Variants in KNL1 observed in about 807,000 individuals in gnomAD.
KNL1 encodes the protein kinetochore scaffold 1.
A neutral mutation model predicts 201.3 loss-of-function variants in KNL1; 66 were observed. That is an observed-to-expected ratio of 0.33 (90% CI 0.27 to 0.40). The LOEUF (loss-of-function observed/expected upper bound fraction) is 0.40. Among genes scored for constraint, KNL1 ranks in the 10% least tolerant of loss-of-function variants. KNL1 has a pLI of 1.00. For missense variants in KNL1, 2,815 were observed against 2,690.5 expected, an observed-to-expected ratio of 1.05 and a Z score of -1.02; for synonymous variants, 895 against 899.2, an observed-to-expected ratio of 1.00 and a Z score of 0.08.
intron 13 of KNL1, among the ~76,000 whole-genome samples, chr15:40,632,550 C>T (rs1892941269): frequency 6.6e-6 from 1 of 151,482 alleles, no homozygotes; most frequent in African/African-American, 2.4e-5. Context: ...TGCAAGGAGC[C>T]AAGATTGTAC....
At chr15:40,632,682 A>C (rs1892947082) in intron 13 of KNL1, among the ~76,000 whole-genome samples, 3 of 152,194 alleles carry the variant, frequency 2.0e-5, no homozygotes, top group Admixed American at 6.5e-5. Flanking sequence ...AAGAAGCTTT[A>C]TCCAAAATAT....
intron 9 of KNL1, 133 bp from the exon 10 acceptor site, chr15:40,620,507 C>A: frequency 5.5e-6 from 3 of 549,328 alleles, no homozygotes; most frequent in Non-Finnish European, 3.1e-6. Flanking sequence ...ATGCAACATG[C>A]TACACCATTG....
rs1315322861 is a variant in KNL1, at chr15:40,663,718, CA to C, written c.*1537del. On this transcript the variant is annotated 3_prime_UTR_variant, in exon 26 of 26. Transcript: ENST00000399668. ...TGACCAATATTATGTATGAAGTAGACAAAAAAATTTACTCAAACTTCATTCA... is the reference window on the plus strand; with the variant it reads ...TGACCAATATTATGTATGAAGTAGACAAAAAATTTACTCAAACTTCATTCA... The C allele has an allele frequency of 5.2e-6, 1 of 193,378 alleles. No homozygotes were observed. Among genetic ancestry groups the C allele is most frequent in the Admixed American group, 6.1e-5 (1 of 16,384 alleles). 12.0% of individuals were successfully genotyped at this position (193,378 alleles called of 1,614,324 possible).
rs527732433 is a variant in KNL1 at position 40,664,118 on chromosome 15, G to A, written c.*1930G>A. The A allele has an allele frequency of 1.2e-3, 213 of 183,692 alleles. No individual in the cohort carries two copies. The highest frequency in any genetic ancestry group is 4.6e-3 in the African/African-American group (198 of 42,656). 11.4% of individuals were successfully genotyped at this position (183,692 alleles called of 1,614,324 possible). On this transcript the variant is annotated 3_prime_UTR_variant, in exon 26 of 26. Coordinates refer to ENST00000399668, the MANE Select transcript of KNL1 (RefSeq NM_144508.5). ...CTGAAAAGTAGAGATTTTGTTTTACGCATTTTAGTAACCTGCAACAACCAA... is the reference window on the plus strand; with the variant it reads ...CTGAAAAGTAGAGATTTTGTTTTACACATTTTAGTAACCTGCAACAACCAA...
intron 13 of KNL1, among the ~76,000 whole-genome samples, chr15:40,630,977 G>T (rs1216301879): frequency 6.6e-6 from 1 of 152,002 alleles, no homozygotes; most frequent in Non-Finnish European, 1.5e-5. Flanking sequence ...AATTAGCTGG[G>T]CATGGTGGCA....
At chr15:40,608,986 C>G (rs960737971) in intron 5 of KNL1, 78 bp downstream of exon 5, 2 of 870,508 alleles carry the variant, frequency 2.3e-6, no homozygotes, top group Non-Finnish European at 3.7e-6. Flanking sequence ...TTGGTACTGA[C>G]TTGAATAATC....
chr15:40,632,440 C>CA (rs1892937994), intron 13 of KNL1, among the ~76,000 whole-genome samples: 1 of 151,662 alleles, frequency 6.6e-6, no homozygotes, highest in Non-Finnish European at 1.5e-5. Flanking sequence ...AAATCCTGTA[C>CA]AAAATGAAAT....
intron 17 of KNL1, among the ~76,000 whole-genome samples, chr15:40,649,872 C>A (rs928498259): frequency 2.0e-5 from 3 of 152,082 alleles, no homozygotes; most frequent in Non-Finnish European, 4.4e-5. Context: ...TTTGTTAGTA[C>A]TTCTTATATT....
chr15:40,634,913 C>T (rs969840640), intron 13 of KNL1, among the ~76,000 whole-genome samples: 6 of 152,028 alleles, frequency 3.9e-5, no homozygotes, highest in South Asian at 2.1e-4. Context: ...TATCTGGGAA[C>T]AAACCTATCA....
chr15:40,609,794 A>G (rs1032304167), intron 5 of KNL1, among the ~76,000 whole-genome samples: 1 of 152,230 alleles, frequency 6.6e-6, no homozygotes, highest in Admixed American at 6.5e-5. Context: ...GTCAGAGCTC[A>G]TTTAAAAATT....
At chr15:40,610,950 A>ATGC in intron 6 of KNL1, 1 of 402,798 alleles carries the variant, frequency 2.5e-6, no homozygotes, top group Non-Finnish European at 5.0e-6. Flanking sequence ...GGGTTTCACC[A>ATGC]TATTGGCCAG....
In KNL1 at chr15:40,625,583, G is replaced by C; in HGVS notation, c.5319G>C (p.Lys1773Asn). ...TWVQEEEDIH[K>N]EKKIRKNEIK... is the part of the protein sequence containing the mutation. ...TACAAGAAGAAGAAGATATTCATAAGGAGAAAAAAATCAGAAAAAATGAGA... is the reference window on the plus strand; with the variant it reads ...TACAAGAAGAAGAAGATATTCATAACGAGAAAAAAATCAGAAAAAATGAGA... The change falls in exon 10 of 26, where the codon AAG (lysine) becomes AAC (asparagine). Residue 1773 changes from lysine to asparagine, a missense_variant. Around this residue, in one of 3 missense-constraint regions of KNL1, gnomAD observed 2,464 missense variants for 2,291.7 expected, o/e 1.08. Transcript: ENST00000399668. 4 of 1,608,916 alleles carry C rather than the reference G, an allele frequency of 2.5e-6. No homozygotes were observed. The highest frequency in any genetic ancestry group is 3.4e-6 in the Non-Finnish European group (4 of 1,178,780).
chr15:40,639,598 A>G (rs144526834), intron 13 of KNL1, among the ~76,000 whole-genome samples: 9 of 145,182 alleles, frequency 6.2e-5, no homozygotes, highest in Non-Finnish European at 7.7e-5. Context: ...AAAAAAAAAA[A>G]GGAAAAAAAA....
intron 11 of KNL1, 134 bp from the exon 12 acceptor site, chr15:40,628,477 C>T: frequency 5.9e-6 from 4 of 678,042 alleles, no homozygotes; most frequent in South Asian, 4.4e-5. Context: ...TATACTTTGC[C>T]CTGCTACATG....
At chr15:40,606,805 A>G (rs1451489206) in intron 4 of KNL1, among the ~76,000 whole-genome samples, 1 of 152,098 alleles carries the variant, frequency 6.6e-6, no homozygotes, top group Non-Finnish European at 1.5e-5. Flanking sequence ...TGTTGCCCAG[A>G]CTGGAGTACA....
chr15:40,660,424 T>C (rs1214552274), intron 25 of KNL1, among the ~76,000 whole-genome samples: 1 of 149,358 alleles, frequency 6.7e-6, no homozygotes, highest in Non-Finnish European at 1.5e-5. Flanking sequence ...CCCAGCACTC[T>C]GGGAGGCCGA....
rs753246443 is a variant in KNL1 at position 40,624,400 on chromosome 15, T to TTA, written c.4136_4137insTA (p.Leu1379PhefsTer6). The TTA allele has an allele frequency of 6.2e-7, 1 of 1,614,020 alleles. No individual in the cohort carries two copies. Among genetic ancestry groups the TTA allele is most frequent in the African/African-American group, 1.3e-5 (1 of 75,058 alleles). ...ATTCAAACCAGTACCAAAGGACAGTTAGACTGTGTTATAACACTGCACAAA... is the reference window on the plus strand; with the variant it reads ...ATTCAAACCAGTACCAAAGGACAGTTTAAGACTGTGTTATAACACTGCACAAA... On this transcript the variant is annotated frameshift_variant, in exon 10 of 26. Coordinates refer to ENST00000399668, the MANE Select transcript of KNL1 (RefSeq NM_144508.5). LOFTEE classifies it high-confidence loss of function.
chr15:40,653,372 G>A (rs1893629637), intron 21 of KNL1, among the ~76,000 whole-genome samples: 1 of 151,878 alleles, frequency 6.6e-6, no homozygotes. Flanking sequence ...TATATTTTGT[G>A]GGGATGGGGT....
rs34272097 is a variant in KNL1, at chr15:40,621,012, A to G, written c.748A>G (p.Ser250Gly). The change falls in exon 10 of 26, where the codon AGT (serine) becomes GGT (glycine). Residue 250 changes from serine to glycine, a missense_variant. Around this residue, in one of 3 missense-constraint regions of KNL1, gnomAD observed 2,464 missense variants for 2,291.7 expected, o/e 1.08. Transcript: ENST00000399668. ...EIPIYSKEPN[S>G]ASSTHQMHVS... is the part of the protein sequence containing the mutation. ...ACCTATTTATTCCAAGGAACCGAAC[A>G]GTGCCTCTTCTACACATCAAATGCA... is the stretch of plus-strand genomic sequence containing the variant. 97 of 1,605,778 alleles carry G rather than the reference A, an allele frequency of 6.0e-5. 2 individuals carry two copies. In the African/African-American group the frequency reaches 9.0e-4, roughly 15 times the overall value.
Sources: gnomAD v4.1 joint callset for allele counts (sites outside exome capture counted in the v4.1 genomes callset) on GRCh38, gnomAD v4.1.1 for gene constraint, gnomAD v4.1.1 regional missense constraint, MANE v1.5 for transcripts, NCBI Gene and HGNC (gene_info 2026-07-23, HGNC 2026-07-21) for gene names.